Variants in PAK5 observed in about 807,000 individuals in gnomAD.
The protein encoded by PAK5 is serine/threonine-protein kinase PAK 5.
Under a neutral mutation model 65.9 loss-of-function variants are expected in PAK5, and 16 were observed. The observed-to-expected ratio is 0.24, with a 90% CI of 0.16 to 0.37. The LOEUF is 0.37. PAK5 is among the 10% of genes least tolerant of loss of function. PAK5 has a pLI of 1.00. For missense variants in PAK5, 785 were observed against 903.9 expected (o/e 0.87, Z 1.69); for synonymous variants, 371 against 354.9 (o/e 1.05, Z -0.51).
intron 1 of PAK5, among the ~76,000 whole-genome samples, chr20:9,789,907 AC>A (rs1203607227): frequency 6.6e-6 from 1 of 152,134 alleles, no homozygotes; most frequent in Non-Finnish European, 1.5e-5. Flanking sequence ...CCTAATTCTA[AC>A]CACAGGGGAT....
Position 9,544,459 on chromosome 20 carries a change from A to G in PAK5, c.1779T>C (p.Val593=), listed in dbSNP as rs1051730104. ...KLSDFGFCAQ[V]SKEVPKRKSL... The stretch of plus-strand genomic sequence containing the variant: ...ATTTCCTCTTCGGCACCTCTTTGGA[A>G]ACTTGAGCACAGAAACCAAAATCAG... The change falls in exon 8 of 10, where the codon GTT becomes GTC. Residue 593 remains valine, a synonymous_variant. Transcript: ENST00000353224. 1 of 1,614,026 alleles carries G rather than the reference A, an allele frequency of 6.2e-7. No homozygotes were observed. The highest frequency in any genetic ancestry group is 8.5e-7 in the Non-Finnish European group (1 of 1,179,862).
At chr20:9,816,423 C>T (rs534253008) in intron 1 of PAK5, among the ~76,000 whole-genome samples, 6 of 152,168 alleles carry the variant, frequency 3.9e-5, no homozygotes, top group East Asian at 1.9e-4. Context: ...GTATGTCCAT[C>T]GGAGTGTTTC....
At chr20:9,625,472 G>GT (rs1195602840) in intron 3 of PAK5, among the ~76,000 whole-genome samples, 1 of 152,250 alleles carries the variant, frequency 6.6e-6, no homozygotes, top group Non-Finnish European at 1.5e-5. Context: ...CATGGATGGT[G>GT]TAGGGCATAG....
intron 1 of PAK5, among the ~76,000 whole-genome samples, chr20:9,791,596 T>G (rs2049051101): frequency 6.6e-6 from 1 of 152,124 alleles, no homozygotes; most frequent in Non-Finnish European, 1.5e-5. Flanking sequence ...AGGCTGGATT[T>G]GGACCTGACT....
intron 3 of PAK5, among the ~76,000 whole-genome samples, chr20:9,611,592 A>T (rs2046561376): frequency 6.6e-6 from 1 of 152,158 alleles, no homozygotes; most frequent in Non-Finnish European, 1.5e-5. Context: ...CCTTTGAGTT[A>T]CTCACCACGG....
chr20:9,553,587 T>C (rs2045463669), intron 7 of PAK5, among the ~76,000 whole-genome samples: 1 of 152,054 alleles, frequency 6.6e-6, no homozygotes, highest in African/African-American at 2.4e-5. Flanking sequence ...TATATAAATA[T>C]ATGGAATCAT....
At chr20:9,721,793 T>C (rs181554783) in intron 1 of PAK5, among the ~76,000 whole-genome samples, 5 of 150,462 alleles carry the variant, frequency 3.3e-5, no homozygotes, top group Non-Finnish European at 5.9e-5. Flanking sequence ...GTTCAGAAAA[T>C]AGAGCATGAC....
At position 9,580,251 on chromosome 20, in the gene PAK5, G is replaced by T. The variant is rs767455314; in HGVS notation, c.884C>A (p.Pro295Gln). ...TGCACTTGCTCCAAATGGCATCATC[G>T]GTTCCTGGAGTCCCGAGCCTGACCT... The part of the protein sequence containing the change: ...RSRSGSGLQE[P>Q]MMPFGASAFK... The change falls in exon 4 of 10, where the codon CCG becomes CAG. Residue 295 changes from proline (P) to glutamine (Q), a missense_variant. Pro to Gln is a moderately conservative substitution (Grantham distance 76, BLOSUM62 -1). Around this residue, in one of 4 missense-constraint regions of PAK5, gnomAD observed 422 missense variants for 413.3 expected, o/e 1.02. Coordinates refer to ENST00000353224, the MANE Select transcript of PAK5 (RefSeq NM_177990.4). The T allele has an allele frequency of 6.2e-7, 1 of 1,614,090 alleles. No individual in the cohort carries two copies. The highest frequency in any genetic ancestry group is 8.5e-7 in the Non-Finnish European group (1 of 1,179,998).
intron 1 of PAK5, among the ~76,000 whole-genome samples, chr20:9,808,617 G>A (rs534606324): frequency 8.5e-5 from 13 of 152,228 alleles, no homozygotes; most frequent in African/African-American, 3.1e-4. Context: ...TGAAAGAAGC[G>A]ATCGCAAAGG....
intron 1 of PAK5, among the ~76,000 whole-genome samples, chr20:9,719,952 C>T (rs1175834838): frequency 1.3e-5 from 2 of 152,140 alleles, no homozygotes; most frequent in Non-Finnish European, 2.9e-5. Context: ...TAATCTGACA[C>T]CTAAAATGGT....
At chr20:9,834,751 C>T (rs1979008583) in intron 1 of PAK5, among the ~76,000 whole-genome samples, 1 of 152,056 alleles carries the variant, frequency 6.6e-6, no homozygotes, top group Non-Finnish European at 1.5e-5. Flanking sequence ...GAGACACTGG[C>T]ATATAACAGA....
chr20:9,803,015 T>C (rs377130471), intron 1 of PAK5, among the ~76,000 whole-genome samples: 12 of 148,140 alleles, frequency 8.1e-5, no homozygotes, highest in East Asian at 4.0e-4. Flanking sequence ...ACTAGCTAAG[T>C]ACAGAGCCAC....
intron 6 of PAK5, among the ~76,000 whole-genome samples, chr20:9,560,968 C>T (rs2045581866): frequency 6.6e-6 from 1 of 152,178 alleles, no homozygotes; most frequent in African/African-American, 2.4e-5. Flanking sequence ...TAACAAGCTC[C>T]CAGGTCCTCA....
chr20:9,554,922 C>T (rs565551124), intron 7 of PAK5, among the ~76,000 whole-genome samples: 17 of 152,248 alleles, frequency 1.1e-4, no homozygotes, highest in Non-Finnish European at 1.8e-4. Context: ...TCTGCTGTAA[C>T]GCCACCACAT....
At chr20:9,706,807 C>A (rs1462426776) in intron 2 of PAK5, among the ~76,000 whole-genome samples, 1 of 151,870 alleles carries the variant, frequency 6.6e-6, no homozygotes, top group African/African-American at 2.4e-5. Context: ...CAAGCCCAAC[C>A]TACAAATTTT....
At chr20:9,542,796 T>C (rs2045288074) in intron 8 of PAK5, 76 bp from the exon 9 acceptor site, 1 of 1,314,886 alleles carries the variant, frequency 7.6e-7, no homozygotes, top group Non-Finnish European at 1.1e-6. Flanking sequence ...CAGAACCTCA[T>C]ACTCATTCAC....
chr20:9,653,064 C>G (rs899307946), intron 2 of PAK5, among the ~76,000 whole-genome samples: 3 of 152,172 alleles, frequency 2.0e-5, no homozygotes, highest in Admixed American at 2.0e-4. Flanking sequence ...AACTCCTCAC[C>G]CTGGCTTCAA....
At position 9,538,639 on chromosome 20, in the gene PAK5, T is replaced by C. The variant is rs1425218257; in HGVS notation, c.*823A>G. ...TGTGGTGTGCAAAAGAATGGTTTGC[T>C]ACTAGAGGCGTTCATGGAAAATGTG... On this transcript the variant is annotated 3_prime_UTR_variant, in exon 10 of 10. Coordinates refer to ENST00000353224, the MANE Select transcript of PAK5 (RefSeq NM_177990.4). The C allele has an allele frequency of 3.4e-5, 8 of 233,230 alleles. 1 individual carries two copies. The East Asian group carries it at 4.8e-4, about 14-fold the overall frequency. 14.4% of individuals were successfully genotyped at this position (233,230 alleles called of 1,614,324 possible).
intron 1 of PAK5, among the ~76,000 whole-genome samples, chr20:9,779,766 A>G (rs1231403664): frequency 6.6e-6 from 1 of 152,084 alleles, no homozygotes; most frequent in East Asian, 1.9e-4. Flanking sequence ...TAGCATTGTT[A>G]GTAGAAGATT....
Sources: gnomAD v4.1 joint callset for allele counts (sites outside exome capture counted in the v4.1 genomes callset) on GRCh38, gnomAD v4.1.1 for gene constraint, gnomAD v4.1.1 regional missense constraint, MANE v1.5 for transcripts, NCBI Gene and HGNC (gene_info 2026-07-23, HGNC 2026-07-21) for gene names.